The following MCUB variants were observed in gnomAD, a reference collection of about 807,000 sequenced individuals.
MCUB encodes calcium uniporter regulatory subunit MCUb, mitochondrial.
A neutral mutation model predicts 41.4 loss-of-function variants in MCUB; 46 were observed. The observed-to-expected ratio is 1.11, with a 90% confidence interval of 0.88 to 1.42. The LOEUF is 1.42. MCUB is among the 40% of genes most tolerant of loss of function. The pLI, the probability that MCUB is intolerant of heterozygous loss-of-function variation, is 0.00. For synonymous variants in MCUB, 148 were observed against 148.2 expected, an observed-to-expected ratio of 1.00 and a Z score of 0.01; for missense variants, 403 against 404.9, an observed-to-expected ratio of 1.00 and a Z score of 0.04.
intron 1 of MCUB, among the ~76,000 whole-genome samples, chr4:109,642,402 G>A (rs1728739775): frequency 2.0e-5 from 3 of 152,206 alleles, no homozygotes; most frequent in Non-Finnish European, 4.4e-5. Context: ...ATTATTGTCA[G>A]ATATGGTGCT....
intron 1 of MCUB, among the ~76,000 whole-genome samples, chr4:109,636,710 C>T (rs990530372): frequency 6.6e-6 from 1 of 152,198 alleles, no homozygotes; most frequent in Non-Finnish European, 1.5e-5. Flanking sequence ...TGGTGCCCAC[C>T]TGTAATCCCA....
chr4:109,676,183 G>A (rs1729573640), intron 4 of MCUB, among the ~76,000 whole-genome samples: 1 of 152,134 alleles, frequency 6.6e-6, no homozygotes, highest in Admixed American at 6.5e-5. Flanking sequence ...GAGAATAGCT[G>A]TAGGAAGTCT....
chr4:109,638,688 C>T lies in MCUB; in HGVS notation c.100-20323C>T, dbSNP rs117332404. The stretch of plus-strand genomic sequence containing the variant: ...GTGATATTATTTGATAACATTTTAC[C>T]CATAGAAGAACTTCTTTCAAAATTG... On this transcript the variant is annotated intron_variant, in intron 1 of 7. Coordinates refer to ENST00000394650, the MANE Select transcript of MCUB (RefSeq NM_017918.5). 4.5e-3 allele frequency among the ~76,000 whole-genome samples: 690 copies of T among 152,202 alleles called. 17 individuals carry two copies. In the South Asian group the frequency reaches 0.061, roughly 13 times the overall value.
chr4:109,667,657 A>T (rs969557524), intron 4 of MCUB, among the ~76,000 whole-genome samples: 3 of 149,872 alleles, frequency 2.0e-5, no homozygotes, highest in Non-Finnish European at 3.0e-5. Flanking sequence ...CTACATAATA[A>T]ATATTCTACT....
chr4:109,662,569 A>G (rs993348751), intron 3 of MCUB, among the ~76,000 whole-genome samples: 3 of 152,228 alleles, frequency 2.0e-5, no homozygotes, highest in African/African-American at 7.2e-5. Flanking sequence ...CAAACACCCT[A>G]TCGGGGGTTT....
intron 1 of MCUB, among the ~76,000 whole-genome samples, chr4:109,601,764 T>A (rs996365639): frequency 1.3e-5 from 2 of 152,206 alleles, no homozygotes; most frequent in South Asian, 4.1e-4. Context: ...GCAGTGGGGT[T>A]GCTGGATCAT....
chr4:109,649,609 T>C (rs1046739511), intron 1 of MCUB, among the ~76,000 whole-genome samples: 7 of 152,226 alleles, frequency 4.6e-5, no homozygotes, highest in Non-Finnish European at 8.8e-5. Flanking sequence ...TAAATTTAAT[T>C]GCTTTCCTTT....
At chr4:109,641,658 C>T (rs1728718324) in intron 1 of MCUB, among the ~76,000 whole-genome samples, 1 of 152,140 alleles carries the variant, frequency 6.6e-6, no homozygotes, top group South Asian at 2.1e-4. Context: ...GTACAAAAGG[C>T]AGTATTTGTG....
chr4:109,640,344 T>C (rs1728687468), intron 1 of MCUB, among the ~76,000 whole-genome samples: 1 of 152,228 alleles, frequency 6.6e-6, no homozygotes, highest in Non-Finnish European at 1.5e-5. Context: ...GGGGATATGA[T>C]GGCTTAGCTT....
intron 1 of MCUB, among the ~76,000 whole-genome samples, chr4:109,577,418 C>T (rs1202749824): frequency 6.6e-6 from 1 of 152,166 alleles, no homozygotes; most frequent in Non-Finnish European, 1.5e-5. Flanking sequence ...CTTTGTCTCA[C>T]TCAGTCCCCC....
At chr4:109,600,423 C>G (rs1192207603) in intron 1 of MCUB, among the ~76,000 whole-genome samples, 2 of 152,216 alleles carry the variant, frequency 1.3e-5, no homozygotes, top group African/African-American at 2.4e-5. Context: ...AATCCCATTT[C>G]TCATTCAGAT....
intron 1 of MCUB, among the ~76,000 whole-genome samples, chr4:109,635,635 T>TG (rs1399096987): frequency 6.6e-6 from 1 of 152,194 alleles, no homozygotes; most frequent in Non-Finnish European, 1.5e-5. Context: ...CTGCCCCACT[T>TG]GGGGTCTTCT....
At chr4:109,611,291 G>T (rs1302965988) in intron 1 of MCUB, among the ~76,000 whole-genome samples, 2 of 152,206 alleles carry the variant, frequency 1.3e-5, no homozygotes, top group African/African-American at 4.8e-5. Flanking sequence ...CCTATTCTGG[G>T]CTGTAACCAT....
intron 1 of MCUB, among the ~76,000 whole-genome samples, chr4:109,589,772 CAG>C (rs1446326969): frequency 1.3e-5 from 2 of 152,170 alleles, no homozygotes; most frequent in Admixed American, 1.3e-4. Flanking sequence ...GTTGTATCCT[CAG>C]GGGGTGGCAG....
chr4:109,594,765 G>GA (rs1417124739), intron 1 of MCUB, among the ~76,000 whole-genome samples: 1 of 151,106 alleles, frequency 6.6e-6, no homozygotes, highest in Non-Finnish European at 1.5e-5. Flanking sequence ...GAGGCCTCCG[G>GA]AAAAATTCTC....
chr4:109,588,979 A>G (rs1440865750), intron 1 of MCUB, among the ~76,000 whole-genome samples: 2 of 147,534 alleles, frequency 1.4e-5, no homozygotes, highest in East Asian at 1.9e-4. Flanking sequence ...GAAAATTCTG[A>G]AAAAAAAATA....
intron 1 of MCUB, among the ~76,000 whole-genome samples, chr4:109,576,372 C>T (rs950418981): frequency 6.6e-6 from 1 of 152,106 alleles, no homozygotes; most frequent in Non-Finnish European, 1.5e-5. Context: ...ATCATTCAAA[C>T]TTATCAGAAA....
chr4:109,616,613 G>A (rs1444894717), intron 1 of MCUB, among the ~76,000 whole-genome samples: 1 of 152,144 alleles, frequency 6.6e-6, no homozygotes, highest in Non-Finnish European at 1.5e-5. Context: ...TTTCTTGAGA[G>A]AGTTGCATAC....
intron 1 of MCUB, 23 bp downstream of exon 1, chr4:109,560,459 G>T (rs1198983229): frequency 7.1e-6 from 8 of 1,134,314 alleles, no homozygotes; most frequent in Non-Finnish European, 9.0e-6. Context: ...GCCGGGCTGT[G>T]GGGGTTCGGG....
Sources: gnomAD v4.1 joint callset for allele counts (sites outside exome capture counted in the v4.1 genomes callset) on GRCh38, gnomAD v4.1.1 for gene constraint, MANE v1.5 for transcripts, NCBI Gene and HGNC (gene_info 2026-07-23, HGNC 2026-07-21) for gene names.